IQCM: variants seen among roughly 807,000 people sequenced by gnomAD.
IQCM encodes IQ motif containing M.
IQCM carries 45 observed loss-of-function variants against 57.6 expected under a neutral mutation model. The observed-to-expected ratio is 0.78, with a 90% CI of 0.62 to 1.00. IQCM has a LOEUF of 1.00. IQCM is among the 50% of genes least tolerant of loss of function. IQCM has a pLI of 0.00. For missense variants in IQCM, 468 were observed against 511.6 expected (o/e 0.91, Z 0.82); for synonymous variants, 148 against 158.9 (o/e 0.93, Z 0.51).
chr4:149,810,499 G>A (rs569908948), intron 2 of IQCM, among the ~76,000 whole-genome samples: 19 of 151,936 alleles, frequency 1.3e-4, no homozygotes, highest in Middle Eastern at 3.4e-3. Context: ...ACCCAGGCTG[G>A]AGTACAATGG....
chr4:149,720,529 C>T (rs1314069894), intron 5 of IQCM, among the ~76,000 whole-genome samples: 1 of 151,964 alleles, frequency 6.6e-6, no homozygotes, highest in Non-Finnish European at 1.5e-5. Flanking sequence ...CTTACCAGGT[C>T]AGTATAAAAA....
chr4:149,569,012 T>A (rs1167672225), intron 9 of IQCM, among the ~76,000 whole-genome samples: 3 of 152,134 alleles, frequency 2.0e-5, no homozygotes, highest in African/African-American at 7.2e-5. Flanking sequence ...GTTCTAACTA[T>A]GTGCTTTAAG....
At chr4:149,662,198 C>T (rs1270903466) in intron 7 of IQCM, among the ~76,000 whole-genome samples, 1 of 151,880 alleles carries the variant, frequency 6.6e-6, no homozygotes, top group Non-Finnish European at 1.5e-5. Flanking sequence ...CCTCATTGAT[C>T]CACTGGTTAT....
intron 13 of IQCM, among the ~76,000 whole-genome samples, chr4:149,423,046 T>C (rs1260370617): frequency 6.6e-6 from 1 of 152,090 alleles, no homozygotes; most frequent in Non-Finnish European, 1.5e-5. Context: ...AAATGCATTA[T>C]TTTTAATTAT....
intron 9 of IQCM, among the ~76,000 whole-genome samples, chr4:149,579,465 G>A (rs1751971611): frequency 6.6e-6 from 1 of 151,900 alleles, no homozygotes; most frequent in South Asian, 2.1e-4. Context: ...TCAGAGCAGT[G>A]TTTTTTTCCA....
chr4:149,407,812 A>C (rs1733092033), intron 13 of IQCM, among the ~76,000 whole-genome samples: 1 of 152,176 alleles, frequency 6.6e-6, no homozygotes, highest in African/African-American at 2.4e-5. Context: ...GTGCTACAAT[A>C]AACATATAAA....
intron 9 of IQCM, among the ~76,000 whole-genome samples, chr4:149,577,615 C>G (rs186307542): frequency 3.3e-5 from 5 of 151,978 alleles, no homozygotes; most frequent in African/African-American, 1.2e-4. Flanking sequence ...CAGTATTGTG[C>G]TGTTTTGGTT....
intron 5 of IQCM, among the ~76,000 whole-genome samples, chr4:149,702,286 A>G (rs561999399): frequency 7.0e-6 from 1 of 142,910 alleles, no homozygotes; most frequent in East Asian, 2.1e-4. Context: ...ACACTCACTG[A>G]TGACTCCCTC....
intron 12 of IQCM, among the ~76,000 whole-genome samples, chr4:149,546,300 C>T (rs1305397821): frequency 6.6e-6 from 1 of 152,110 alleles, no homozygotes. Flanking sequence ...GTCTTTATAG[C>T]AGCATGATTT....
chr4:149,623,959 A>T (rs1333114989), intron 7 of IQCM, among the ~76,000 whole-genome samples: 10 of 152,198 alleles, frequency 6.6e-5, no homozygotes, highest in Admixed American at 1.3e-4. Flanking sequence ...AACATAAAAA[A>T]ATTTGTTAAA....
At chr4:149,432,144 A>C (rs1004293810) in intron 13 of IQCM, among the ~76,000 whole-genome samples, 4 of 151,910 alleles carry the variant, frequency 2.6e-5, no homozygotes, top group African/African-American at 9.7e-5. Flanking sequence ...AAATATTTTC[A>C]AAGTGGCTGT....
At chr4:149,409,242 T>C (rs557481807) in intron 13 of IQCM, among the ~76,000 whole-genome samples, 1 of 152,256 alleles carries the variant, frequency 6.6e-6, no homozygotes, top group African/African-American at 2.4e-5. Context: ...CAAATGACTC[T>C]AGGATGGGTG....
At chr4:149,392,633 T>C (rs1305509052) in intron 13 of IQCM, among the ~76,000 whole-genome samples, 1 of 151,864 alleles carries the variant, frequency 6.6e-6, no homozygotes, top group African/African-American at 2.4e-5. Context: ...AACTCCAGAC[T>C]CAGAAATTAA....
Position 149,363,306 on chromosome 4 carries a change from C to T in IQCM, c.1391-11240G>A, listed in dbSNP as rs560835266. Among the ~76,000 whole-genome samples the T allele has an allele frequency of 3.2e-4, 49 of 152,228 alleles. 1 individual carries two copies. The South Asian group carries it at 1.0e-2, about 31-fold the overall frequency. ...TCAGGCTTCCTGAGCTTCAGAGTGA[C>T]AGCATCAGACATCACTGCAATGGGG... On this transcript the variant is annotated intron_variant, in intron 13 of 13. Coordinates refer to ENST00000636793, the MANE Select transcript of IQCM (RefSeq NM_001363507.2).
At chr4:149,760,958 C>T (rs1184497702) in intron 2 of IQCM, among the ~76,000 whole-genome samples, 1 of 152,054 alleles carries the variant, frequency 6.6e-6, no homozygotes, top group Non-Finnish European at 1.5e-5. Context: ...AGGCATTGAT[C>T]ACTTGCTTTT....
chr4:149,532,840 C>T (rs554974447), intron 12 of IQCM, among the ~76,000 whole-genome samples: 1 of 152,090 alleles, frequency 6.6e-6, no homozygotes, highest in African/African-American at 2.4e-5. Context: ...GGAGATGGAC[C>T]ATAAACAAAT....
At chr4:149,383,756 C>G (rs1307614776) in intron 13 of IQCM, among the ~76,000 whole-genome samples, 1 of 151,980 alleles carries the variant, frequency 6.6e-6, no homozygotes, top group African/African-American at 2.4e-5. Flanking sequence ...GAGTTTGAGA[C>G]CAGCCTGACC....
chr4:149,484,109 T>C (rs1741206287), intron 12 of IQCM, among the ~76,000 whole-genome samples: 1 of 152,036 alleles, frequency 6.6e-6, no homozygotes, highest in Non-Finnish European at 1.5e-5. Flanking sequence ...TAGCTACTCC[T>C]GCTCTTTTTT....
intron 12 of IQCM, among the ~76,000 whole-genome samples, chr4:149,534,002 T>C (rs975158940): frequency 6.6e-6 from 1 of 152,086 alleles, no homozygotes; most frequent in African/African-American, 2.4e-5. Context: ...TGATAATATA[T>C]CTGGCAGGGA....
Sources: gnomAD v4.1 joint callset for allele counts (sites outside exome capture counted in the v4.1 genomes callset) on GRCh38, gnomAD v4.1.1 for gene constraint, MANE v1.5 for transcripts, NCBI Gene and HGNC (gene_info 2026-07-23, HGNC 2026-07-21) for gene names.